Variants in PTGS1 observed in about 807,000 individuals in gnomAD.
PTGS1 encodes prostaglandin G/H synthase 1.
In PTGS1, 40 loss-of-function variants were observed where a neutral mutation model predicts 63.0. The observed-to-expected ratio is 0.63, with a 90% CI of 0.49 to 0.83. The LOEUF is 0.83. Ranked by LOEUF, PTGS1 falls within the 40% of genes least tolerant of loss-of-function variation. PTGS1 has a pLI of 0.00. For synonymous variants in PTGS1, 298 were observed against 301.9 expected, an observed-to-expected ratio of 0.99 and a Z score of 0.13; for missense variants, 709 against 786.5, an observed-to-expected ratio of 0.90 and a Z score of 1.18.
chr9:122,371,835 G>T (rs1174983240), intron 2 of PTGS1: 2 of 1,524,526 alleles, frequency 1.3e-6, no homozygotes, highest in Admixed American at 2.0e-5. Context: ...CCGAGGCTCA[G>T]TAGGTGCCAT....
intron 9 of PTGS1, among the ~76,000 whole-genome samples, chr9:122,387,239 CA>C (rs1837927732): frequency 6.6e-6 from 1 of 151,726 alleles, no homozygotes; most frequent in Admixed American, 6.6e-5. Flanking sequence ...GTGTTAGTGG[CA>C]GGGGATGGCT....
chr9:122,390,853 C>T (rs552680865), intron 10 of PTGS1, among the ~76,000 whole-genome samples: 7 of 151,816 alleles, frequency 4.6e-5, no homozygotes, highest in Non-Finnish European at 1.0e-4. Context: ...GCTGAGATTG[C>T]GCCACTGCAC....
chr9:122,376,337 T>C (rs1340942272), intron 2 of PTGS1, among the ~76,000 whole-genome samples: 1 of 147,404 alleles, frequency 6.8e-6, no homozygotes, highest in Non-Finnish European at 1.5e-5. Flanking sequence ...ATTCTTGTGG[T>C]CCTTGCTTGT....
rs1236050231 is a variant in PTGS1, at chr9:122,381,294, C to T, written c.497-77C>T. ...TGGGCTTCCTGCTTGGGCCAGTTTG[C>T]CTGGTGAGCCCAGATGTCCCCAGGG... On this transcript the variant is annotated intron_variant, in intron 5 of 10. Coordinates refer to ENST00000362012, the MANE Select transcript of PTGS1 (RefSeq NM_000962.4). 1.3e-5 allele frequency: 20 copies of T among 1,483,628 alleles called. No homozygotes were observed. The Admixed American group carries it at 3.8e-4, about 28-fold the overall frequency. 91.9% of individuals were successfully genotyped at this position (1,483,628 alleles called of 1,614,324 possible).
chr9:122,373,464 T>A (rs944161201), intron 2 of PTGS1, among the ~76,000 whole-genome samples: 1 of 152,098 alleles, frequency 6.6e-6, no homozygotes, highest in Non-Finnish European at 1.5e-5. Flanking sequence ...TGCTTTTGCC[T>A]CTCTGGTGGG....
At chr9:122,375,211 G>A (rs1367058838) in intron 2 of PTGS1, 3 of 795,736 alleles carry the variant, frequency 3.8e-6, no homozygotes, top group Non-Finnish European at 4.6e-6. Flanking sequence ...TGGCGGGGGA[G>A]GCGGGAGGGG....
intron 10 of PTGS1, among the ~76,000 whole-genome samples, chr9:122,391,374 T>C (rs200341709): frequency 0.03 from 2,437 of 81,450 alleles, 102 homozygotes; most frequent in African/African-American, 0.13. Flanking sequence ...TATATATACA[T>C]ATATATATAT....
Position 122,381,718 on chromosome 9 carries a change from C to T in PTGS1, c.733C>T (p.Leu245Phe), listed in dbSNP as rs752635419. The change falls in exon 7 of 11, where the codon CTC becomes TTC. Residue 245 changes from leucine to phenylalanine, a missense_variant. Leu to Phe is a conservative substitution (Grantham distance 22). Transcript: ENST00000362012. The part of the protein sequence containing the change: ...DNLERQYQLR[L>F]FKDGKLKYQV... The stretch of plus-strand genomic sequence containing the variant: ...TCTGGAGCGTCAGTATCAACTGCGG[C>T]TCTTTAAGGATGGGAAACTCAAGTA... 6.2e-7 allele frequency: 1 copy of T among 1,613,980 alleles called. No individual in the cohort carries two copies. The highest frequency in any genetic ancestry group is 1.1e-5 in the South Asian group (1 of 91,070).
intron 8 of PTGS1, among the ~76,000 whole-genome samples, chr9:122,385,844 C>A (rs1028896046): frequency 6.6e-6 from 1 of 152,086 alleles, no homozygotes; most frequent in African/African-American, 2.4e-5. Context: ...TGGACACCTC[C>A]TTTGCATGTC....
rs143433344 is a variant in PTGS1 at position 122,392,413 on chromosome 9, A to C, written c.1669A>C (p.Ile557Leu). Residue 557 changes from isoleucine (I) to leucine (L), a missense_variant, in exon 11 of 11, where the codon ATT becomes CTT. Physicochemically the swap from Ile to Leu is conservative, Grantham distance 5. Transcript: ENST00000362012. ...ATTTGGCGGCGAGGTGGGCTTTAACATTGTCAAGACGGCCACACTGAAGAA... is the reference window on the plus strand; with the variant it reads ...ATTTGGCGGCGAGGTGGGCTTTAACCTTGTCAAGACGGCCACACTGAAGAA... Reference protein sequence around the residue: ...STFGGEVGFNIVKTATLKKLV... With the variant: ...STFGGEVGFNLVKTATLKKLV... 1.3e-5 allele frequency: 21 copies of C among 1,614,124 alleles called. No individual in the cohort carries two copies. The highest frequency in any genetic ancestry group is 1.8e-5 in the Non-Finnish European group (21 of 1,180,022).
intron 3 of PTGS1, 50 bp downstream of exon 3, chr9:122,378,065 C>T: frequency 1.3e-6 from 2 of 1,527,416 alleles, no homozygotes; most frequent in Admixed American, 1.7e-5. Flanking sequence ...CCCTTCTGCT[C>T]CCCGGGCCCT....
Position 122,392,472 on chromosome 9 carries a change from C to T in PTGS1, c.1728C>T (p.Tyr576=), listed in dbSNP as rs1216239570. The part of the protein sequence containing the change: ...LVCLNTKTCP[Y]VSFRVPDASQ... ...GCCTCAACACCAAGACCTGTCCCTA[C>T]GTTTCCTTCCGTGTGCCGGATGCCA... The change falls in exon 11 of 11, where the codon TAC becomes TAT. Residue 576 remains tyrosine (Y), a synonymous_variant. Coordinates refer to ENST00000362012, the MANE Select transcript of PTGS1 (RefSeq NM_000962.4). The T allele has an allele frequency of 3.7e-6, 6 of 1,614,064 alleles. No homozygotes were observed. The highest frequency in any genetic ancestry group is 1.7e-5 in the Admixed American group (1 of 60,008).
chr9:122,389,867 G>A (rs564943742), intron 9 of PTGS1, among the ~76,000 whole-genome samples: 2 of 152,058 alleles, frequency 1.3e-5, no homozygotes, highest in Non-Finnish European at 2.9e-5. Flanking sequence ...AAGCTGAGGT[G>A]GGAGGATTGC....
At chr9:122,371,113 G>A (rs753286638) in intron 1 of PTGS1, 22 bp downstream of exon 1, 2 of 1,604,548 alleles carry the variant, frequency 1.2e-6, no homozygotes, top group Admixed American at 3.3e-5. Flanking sequence ...CCCGGTGCCC[G>A]GTGGGGAATT....
At chr9:122,370,854 A>C, upstream of PTGS1, 1 of 664,020 alleles carries the variant, frequency 1.5e-6, no homozygotes, top group Non-Finnish European at 2.5e-6. Context: ...TAAGTGCTTC[A>C]AGGATCTTGG....
At chr9:122,376,700 T>C (rs1837188669) in intron 2 of PTGS1, among the ~76,000 whole-genome samples, 1 of 152,194 alleles carries the variant, frequency 6.6e-6, no homozygotes, top group Non-Finnish European at 1.5e-5. Flanking sequence ...CGGCGTTTTC[T>C]GTGTAAGGTC....
intron 4 of PTGS1, 27 bp from the exon 5 acceptor site, chr9:122,378,748 T>C: frequency 1.9e-6 from 3 of 1,613,456 alleles, no homozygotes; most frequent in Non-Finnish European, 2.5e-6. Context: ...GAAACACCCT[T>C]GTCACCGTTA....
chr9:122,379,024 G>T (rs1040041305), intron 5 of PTGS1, 106 bp downstream of exon 5: 71 of 1,439,548 alleles, frequency 4.9e-5, no homozygotes, highest in Non-Finnish European at 6.2e-5. Context: ...TCTGCAGATG[G>T]CTAGACCAAG....
chr9:122,388,033 G>A (rs1309012577), intron 9 of PTGS1, among the ~76,000 whole-genome samples: 2 of 152,190 alleles, frequency 1.3e-5, no homozygotes, highest in African/African-American at 2.4e-5. Flanking sequence ...GTTTCTTTAT[G>A]GTTCTTTGTG....
Sources: allele counts gnomAD v4.1 joint callset (sites outside exome capture counted in the v4.1 genomes callset), GRCh38; gene constraint gnomAD v4.1.1; transcripts MANE v1.5; gene names NCBI Gene and HGNC (gene_info 2026-07-23, HGNC 2026-07-21).